The following ZFP64 variants were observed in gnomAD, a reference collection of about 807,000 sequenced individuals.
ZFP64 encodes the protein ZFP64 zinc finger protein, also known as zinc finger protein 64.
A neutral mutation model predicts 51.6 loss-of-function variants in ZFP64; 14 were observed. The observed-to-expected ratio is 0.27, with a 90% CI of 0.18 to 0.42. The LOEUF is 0.42. Ranked by LOEUF, ZFP64 falls within the 10% of genes least tolerant of loss-of-function variation. ZFP64 has a pLI of 1.00. For synonymous variants in ZFP64, 375 were observed against 361.4 expected, an observed-to-expected ratio of 1.04 and a Z score of -0.43; for missense variants, 754 against 906.8, an observed-to-expected ratio of 0.83 and a Z score of 2.16.
chr20:52,086,554 T>C (rs973041950), intron 8 of ZFP64, among the ~76,000 whole-genome samples: 3 of 151,454 alleles, frequency 2.0e-5, no homozygotes, highest in Non-Finnish European at 4.4e-5. Context: ...CTCAGCTCAC[T>C]GCAAGCTCCG....
At chr20:52,165,068 C>G in intron 3 of ZFP64, 1 of 511,294 alleles carries the variant, frequency 2.0e-6, no homozygotes, top group South Asian at 1.5e-5. Context: ...AAATGCTTAA[C>G]TGTTCTTGAT....
chr20:52,162,985 T>A (rs1209030704), intron 4 of ZFP64, among the ~76,000 whole-genome samples: 1 of 152,320 alleles, frequency 6.6e-6, no homozygotes, highest in Admixed American at 6.5e-5. Flanking sequence ...CTGTAGAAGA[T>A]ATTTTCTGCG....
chr20:52,101,423 G>A (rs2079049106), intron 5 of ZFP64, among the ~76,000 whole-genome samples: 1 of 152,150 alleles, frequency 6.6e-6, no homozygotes, highest in African/African-American at 2.4e-5. Context: ...AGGCTGGAGT[G>A]CAGTGGCACC....
chr20:52,180,913 C>T (rs1983567969), intron 2 of ZFP64, among the ~76,000 whole-genome samples: 1 of 152,014 alleles, frequency 6.6e-6, no homozygotes, highest in Admixed American at 6.6e-5. Flanking sequence ...AAACCCTGTC[C>T]CCTGTTTATT....
intron 8 of ZFP64, among the ~76,000 whole-genome samples, chr20:52,086,741 G>A (rs1399069719): frequency 6.6e-6 from 1 of 152,132 alleles, no homozygotes; most frequent in African/African-American, 2.4e-5. Context: ...GCCTCCCAAA[G>A]TGCTGGGATT....
chr20:52,093,156 T>A lies in ZFP64; in HGVS notation c.976+4217A>T, dbSNP rs952764765. Among the ~76,000 whole-genome samples, 10 of 151,958 alleles carry A rather than the reference T, an allele frequency of 6.6e-5. No individual in the cohort carries two copies. In the South Asian group the frequency reaches 1.3e-3, roughly 19 times the overall value. On this transcript the variant is annotated intron_variant, in intron 7 of 8. Coordinates refer to the ZFP64 transcript ENST00000361387. ...ATTAAAAAAAAAATTTTTTTTTTTTTAATAGACAGAGCCTCACTCTGTCCC... is the reference window on the plus strand; with the variant it reads ...ATTAAAAAAAAAATTTTTTTTTTTTAAATAGACAGAGCCTCACTCTGTCCC...
intron 5 of ZFP64, among the ~76,000 whole-genome samples, chr20:52,102,760 C>A (rs139132110): frequency 5.3e-5 from 8 of 152,322 alleles, no homozygotes; most frequent in East Asian, 3.9e-4. Context: ...TACTCAACTT[C>A]CCCGTTCCTC....
At chr20:52,101,007 C>A (rs1190790529) in intron 5 of ZFP64, among the ~76,000 whole-genome samples, 2 of 152,172 alleles carry the variant, frequency 1.3e-5, no homozygotes, top group Non-Finnish European at 2.9e-5. Flanking sequence ...GCCATTCTAC[C>A]ACCAAAGGAC....
exon 8 of ZFP64, chr20:52,088,393 C>G (rs78754336): frequency 6.2e-7 from 1 of 1,613,756 alleles, no homozygotes; most frequent in African/African-American, 1.3e-5. Context: ...GGGACTCACC[C>G]GTGTGAGATC....
chr20:52,127,594 T>A (rs771620840), intron 5 of ZFP64, among the ~76,000 whole-genome samples: 2 of 152,164 alleles, frequency 1.3e-5, no homozygotes, highest in Non-Finnish European at 2.9e-5. Context: ...TCCTGAGGCC[T>A]CCCCAGCCAT....
chr20:52,110,763 C>T, intron 5 of ZFP64: 3 of 1,596,908 alleles, frequency 1.9e-6, no homozygotes, highest in Non-Finnish European at 2.6e-6. Context: ...CAAAGTCCCC[C>T]TCCCGGGAGA....
intron 5 of ZFP64, among the ~76,000 whole-genome samples, chr20:52,103,016 G>A (rs1047315106): frequency 5.9e-5 from 9 of 152,200 alleles, no homozygotes; most frequent in Admixed American, 5.2e-4. Flanking sequence ...CTCTGATGGG[G>A]AGGTGTGAGG....
intron 5 of ZFP64, among the ~76,000 whole-genome samples, chr20:52,115,399 A>G (rs1450765342): frequency 2.0e-5 from 3 of 150,450 alleles, no homozygotes; most frequent in African/African-American, 7.3e-5. Context: ...GGAAGAATAC[A>G]TGCTCGCTAC....
At chr20:52,106,047 G>A (rs1026858541) in intron 5 of ZFP64, among the ~76,000 whole-genome samples, 1 of 152,194 alleles carries the variant, frequency 6.6e-6, no homozygotes, top group Non-Finnish European at 1.5e-5. Context: ...GGTGGCCGAG[G>A]CCAGAAATGT....
intron 5 of ZFP64, among the ~76,000 whole-genome samples, chr20:52,130,542 C>T (rs1368264829): frequency 6.6e-6 from 1 of 152,118 alleles, no homozygotes; most frequent in Non-Finnish European, 1.5e-5. Flanking sequence ...TCTGTTTTCT[C>T]TTATGAGAAG....
intron 5 of ZFP64, among the ~76,000 whole-genome samples, chr20:52,113,653 G>A (rs1978721080): frequency 6.7e-6 from 1 of 148,634 alleles, no homozygotes; most frequent in Non-Finnish European, 1.5e-5. Context: ...TGGCCAGGCT[G>A]GTCTCGAACT....
intron 5 of ZFP64, among the ~76,000 whole-genome samples, chr20:52,140,828 C>A (rs1406208144): frequency 6.6e-6 from 1 of 152,096 alleles, no homozygotes; most frequent in South Asian, 2.1e-4. Context: ...CTAGGATGTT[C>A]ATAGCTAGAG....
chr20:52,102,094 G>GT (rs1372140325), intron 5 of ZFP64, among the ~76,000 whole-genome samples: 2 of 89,210 alleles, frequency 2.2e-5, no homozygotes, highest in Non-Finnish European at 4.6e-5. Flanking sequence ...CCTGGTGAGA[G>GT]TAACTCCATC....
chr20:52,094,729 C>T (rs928715240), intron 7 of ZFP64, among the ~76,000 whole-genome samples: 3 of 150,566 alleles, frequency 2.0e-5, no homozygotes, highest in Non-Finnish European at 4.4e-5. Flanking sequence ...CAAGAGAAGA[C>T]CCTGTCTCAA....
Sources: allele counts gnomAD v4.1 joint callset (sites outside exome capture counted in the v4.1 genomes callset), GRCh38; gene constraint gnomAD v4.1.1; transcripts MANE v1.5; gene names NCBI Gene and HGNC (gene_info 2026-07-23, HGNC 2026-07-21).